NKAIN2: variants seen among roughly 807,000 people sequenced by gnomAD.
NKAIN2 encodes sodium/potassium-transporting ATPase subunit beta-1-interacting protein 2.
Under a neutral mutation model 32.6 loss-of-function variants are expected in NKAIN2, and 14 were observed. The observed-to-expected ratio is 0.43, with a 90% confidence interval of 0.28 to 0.67. The LOEUF (loss-of-function observed/expected upper bound fraction) is 0.67, where lower values mean the gene tolerates loss of function less well. Among genes scored for constraint, NKAIN2 ranks in the 30% least tolerant of loss-of-function variants. The probability of loss-of-function intolerance (pLI) is 0.17; values close to 1 mark genes in which losing one functional copy is unlikely to be tolerated. For missense variants in NKAIN2, 198 were observed against 258.3 expected (o/e 0.77, Z 1.60); for synonymous variants, 80 against 87.2 (o/e 0.92, Z 0.46).
intron 3 of NKAIN2, among the ~76,000 whole-genome samples, chr6:124,632,121 A>C (rs1162706637): frequency 6.6e-6 from 1 of 152,200 alleles, no homozygotes; most frequent in African/African-American, 2.4e-5. Flanking sequence ...ACGTTTAAAT[A>C]GTGTAAATTC....
intron 1 of NKAIN2, among the ~76,000 whole-genome samples, chr6:123,859,646 T>C (rs1029348619): frequency 1.3e-5 from 2 of 152,312 alleles, no homozygotes; most frequent in African/African-American, 4.8e-5. Context: ...ACTCTCACAT[T>C]CATCATGTTA....
chr6:124,515,905 A>T (rs9401750), intron 3 of NKAIN2, among the ~76,000 whole-genome samples: 4 of 151,746 alleles, frequency 2.6e-5, no homozygotes, highest in Non-Finnish European at 5.9e-5. Context: ...CCATCAAAAA[A>T]TGCTTTCATT....
At chr6:124,668,121 G>A (rs1176962083) in intron 4 of NKAIN2, among the ~76,000 whole-genome samples, 3 of 152,136 alleles carry the variant, frequency 2.0e-5, no homozygotes, top group East Asian at 1.9e-4. Context: ...GTGGCCCTGA[G>A]AGTCAAGGCC....
At chr6:124,054,861 G>A (rs937550161) in intron 1 of NKAIN2, among the ~76,000 whole-genome samples, 5 of 151,914 alleles carry the variant, frequency 3.3e-5, no homozygotes, top group Admixed American at 2.6e-4. Flanking sequence ...CTCTGGCTTG[G>A]TTAGATTAAT....
intron 2 of NKAIN2, among the ~76,000 whole-genome samples, chr6:124,350,096 G>T (rs1798642878): frequency 6.6e-6 from 1 of 152,156 alleles, no homozygotes; most frequent in Non-Finnish European, 1.5e-5. Flanking sequence ...AAAACTACAA[G>T]TTAGGTGGTA....
chr6:124,392,820 GTAA>G (rs924627824), intron 3 of NKAIN2, among the ~76,000 whole-genome samples: 13 of 152,116 alleles, frequency 8.5e-5, no homozygotes, highest in Non-Finnish European at 1.6e-4. Context: ...CTTATCTCAT[GTAA>G]TAAGGTCTCT....
chr6:123,807,878 A>C (rs895018270), intron 1 of NKAIN2, among the ~76,000 whole-genome samples: 2 of 152,204 alleles, frequency 1.3e-5, no homozygotes, highest in Admixed American at 1.3e-4. Flanking sequence ...GAGCAGGTGC[A>C]ACTAACAATT....
intron 1 of NKAIN2, among the ~76,000 whole-genome samples, chr6:124,168,223 A>G (rs1788670645): frequency 6.6e-6 from 1 of 152,232 alleles, no homozygotes; most frequent in South Asian, 2.1e-4. Flanking sequence ...GCTGGCCATA[A>G]GTCTGTAAAA....
intron 4 of NKAIN2, among the ~76,000 whole-genome samples, chr6:124,774,604 C>T (rs1360509403): frequency 5.3e-5 from 8 of 152,046 alleles, no homozygotes; most frequent in African/African-American, 7.2e-5. Context: ...GCCTGTAATT[C>T]GATCACTTTG....
intron 4 of NKAIN2, among the ~76,000 whole-genome samples, chr6:124,674,887 C>T (rs1172318870): frequency 2.0e-5 from 3 of 152,074 alleles, no homozygotes; most frequent in South Asian, 2.1e-4. Flanking sequence ...ACTTCCAATA[C>T]AATGTTGAAT....
At chr6:124,447,201 A>T (rs143303890) in intron 3 of NKAIN2, among the ~76,000 whole-genome samples, 79 of 152,086 alleles carry the variant, frequency 5.2e-4, no homozygotes, top group African/African-American at 1.8e-3. Flanking sequence ...TTTGCATAGA[A>T]CTCTGCTGAG....
At chr6:124,345,455 A>G (rs1447783101) in intron 2 of NKAIN2, among the ~76,000 whole-genome samples, 2 of 152,128 alleles carry the variant, frequency 1.3e-5, no homozygotes, top group East Asian at 3.8e-4. Context: ...CTGTGAATCC[A>G]TCTGGTCCTG....
At chr6:124,047,478 A>G (rs1425060112) in intron 1 of NKAIN2, among the ~76,000 whole-genome samples, 1 of 151,944 alleles carries the variant, frequency 6.6e-6, no homozygotes, top group Non-Finnish European at 1.5e-5. Flanking sequence ...AGCAAACTGC[A>G]TGATCTTAAT....
intron 1 of NKAIN2, among the ~76,000 whole-genome samples, chr6:124,272,028 G>A (rs1392637344): frequency 6.6e-6 from 1 of 152,096 alleles, no homozygotes; most frequent in Non-Finnish European, 1.5e-5. Flanking sequence ...GAGATGGTTT[G>A]GAATTGGAAC....
At chr6:124,350,125 TTATTA>T (rs1798645585) in intron 2 of NKAIN2, among the ~76,000 whole-genome samples, 1 of 152,180 alleles carries the variant, frequency 6.6e-6, no homozygotes, top group Non-Finnish European at 1.5e-5. Context: ...TTGTGATACT[TTATTA>T]TATTAGGTCA....
chr6:124,284,273 G>A (rs1205890334), intron 2 of NKAIN2, among the ~76,000 whole-genome samples: 6 of 152,108 alleles, frequency 3.9e-5, no homozygotes, highest in South Asian at 2.1e-4. Flanking sequence ...TTTATGAATC[G>A]TAATTTGATA....
chr6:124,768,877 C>G (rs1487467841), intron 4 of NKAIN2, among the ~76,000 whole-genome samples: 1 of 152,060 alleles, frequency 6.6e-6, no homozygotes, highest in Non-Finnish European at 1.5e-5. Context: ...ATGCAAACAC[C>G]ATTTAAAAAC....
intron 1 of NKAIN2, among the ~76,000 whole-genome samples, chr6:123,909,346 C>T (rs545765359): frequency 2.0e-5 from 3 of 152,256 alleles, no homozygotes; most frequent in South Asian, 2.1e-4. Flanking sequence ...ATTCAAGTCA[C>T]GTCTTGCTGC....
At chr6:124,258,600 T>G (rs188458293) in intron 1 of NKAIN2, among the ~76,000 whole-genome samples, 18 of 152,302 alleles carry the variant, frequency 1.2e-4, no homozygotes, top group African/African-American at 4.3e-4. Flanking sequence ...TTGGAACCAG[T>G]CAGGCCTTCA....
Sources: allele counts gnomAD v4.1 joint callset (sites outside exome capture counted in the v4.1 genomes callset), GRCh38; gene constraint gnomAD v4.1.1; transcripts MANE v1.5; gene names NCBI Gene and HGNC (gene_info 2026-07-23, HGNC 2026-07-21).